NALF1: variants seen among roughly 807,000 people sequenced by gnomAD.
NALF1 encodes family with sequence similarity 155 member A.
A neutral mutation model predicts 48.4 loss-of-function variants in NALF1; 3 were observed. That is an observed-to-expected ratio of 0.06 (90% CI 0.03 to 0.16). NALF1 has a LOEUF of 0.16. NALF1 is among the 10% of genes least tolerant of loss of function. The probability of loss-of-function intolerance (pLI) is 1.00; values close to 1 mark genes in which losing one functional copy is unlikely to be tolerated. For synonymous variants in NALF1, 262 were observed against 245.7 expected (o/e 1.07, Z -0.62); for missense variants, 526 against 571.5 (o/e 0.92, Z 0.81).
intron 2 of NALF1, among the ~76,000 whole-genome samples, chr13:107,177,015 A>G (rs952555218): frequency 6.6e-6 from 1 of 152,152 alleles, no homozygotes; most frequent in African/African-American, 2.4e-5. Context: ...TAATAAACAA[A>G]TTCAGTAAAG....
chr13:107,635,683 C>A (rs1045867478), intron 1 of NALF1, among the ~76,000 whole-genome samples: 3 of 152,136 alleles, frequency 2.0e-5, no homozygotes, highest in South Asian at 2.1e-4. Context: ...TTGTAATGAA[C>A]CTGTAGCTTT....
intron 1 of NALF1, among the ~76,000 whole-genome samples, chr13:107,526,480 T>C (rs549295397): frequency 1.3e-5 from 2 of 148,280 alleles, no homozygotes; most frequent in South Asian, 2.1e-4. Context: ...TCATTTAATA[T>C]GTATTATTCA....
At chr13:107,475,510 C>G (rs998709285) in intron 1 of NALF1, among the ~76,000 whole-genome samples, 4 of 152,070 alleles carry the variant, frequency 2.6e-5, no homozygotes, top group Non-Finnish European at 5.9e-5. Context: ...CAAAAATGTA[C>G]TGGATTATTT....
intron 1 of NALF1, among the ~76,000 whole-genome samples, chr13:107,261,957 T>A (rs946586841): frequency 6.6e-6 from 1 of 152,136 alleles, no homozygotes; most frequent in African/African-American, 2.4e-5. Context: ...ATTTCAAGAG[T>A]ATCCAGGTAT....
At chr13:107,660,608 T>A (rs895578703) in intron 1 of NALF1, among the ~76,000 whole-genome samples, 3 of 152,178 alleles carry the variant, frequency 2.0e-5, no homozygotes, top group Admixed American at 6.5e-5. Flanking sequence ...GAGAAAATTA[T>A]CAAATCTACA....
At chr13:107,731,555 C>A (rs193267043) in intron 1 of NALF1, among the ~76,000 whole-genome samples, 1 of 152,230 alleles carries the variant, frequency 6.6e-6, no homozygotes, top group African/African-American at 2.4e-5. Context: ...CTCCCATGCA[C>A]CCCCGACCCT....
chr13:107,581,997 T>C (rs926967201), intron 1 of NALF1, among the ~76,000 whole-genome samples: 16 of 152,184 alleles, frequency 1.1e-4, no homozygotes, highest in Non-Finnish European at 2.9e-5. Flanking sequence ...TCCAGAATTA[T>C]AGGCTTGCTT....
chr13:107,849,756 C>G (rs966760428), intron 1 of NALF1, among the ~76,000 whole-genome samples: 6 of 152,198 alleles, frequency 3.9e-5, no homozygotes, highest in African/African-American at 1.4e-4. Context: ...CGTAACCACC[C>G]ACCTGCAAGC....
intron 1 of NALF1, among the ~76,000 whole-genome samples, chr13:107,467,778 C>T (rs9514689): frequency 0.15 from 23,074 of 152,166 alleles, 2,294 homozygotes; most frequent in Middle Eastern, 0.21. Flanking sequence ...CGGTGGCCCA[C>T]GCCTGTAATC....
chr13:107,681,626 G>A (rs897147991), intron 1 of NALF1, among the ~76,000 whole-genome samples: 7 of 152,126 alleles, frequency 4.6e-5, no homozygotes, highest in African/African-American at 1.4e-4. Flanking sequence ...TGAAATGACC[G>A]GAGCGGGCTG....
At chr13:107,208,158 G>A (rs558926629) in intron 2 of NALF1, among the ~76,000 whole-genome samples, 11 of 152,148 alleles carry the variant, frequency 7.2e-5, no homozygotes, top group Admixed American at 1.3e-4. Flanking sequence ...ATATATTTTC[G>A]AGCAATTTAA....
intron 1 of NALF1, among the ~76,000 whole-genome samples, chr13:107,385,972 A>C (rs1883524259): frequency 6.6e-6 from 1 of 152,222 alleles, no homozygotes; most frequent in Non-Finnish European, 1.5e-5. Context: ...CAAAATTAAA[A>C]GTGATGTTTT....
intron 1 of NALF1, among the ~76,000 whole-genome samples, chr13:107,700,947 C>A (rs963129410): frequency 6.6e-6 from 1 of 151,984 alleles, no homozygotes; most frequent in African/African-American, 2.4e-5. Flanking sequence ...CACCTTAAGC[C>A]CATTTGTATG....
At position 107,210,707 on chromosome 13, in the gene NALF1, A is replaced by G. The variant is rs765508512; in HGVS notation, c.964T>C (p.Phe322Leu). ...LCSQYFEVTQ[F>L]NCRKTIPCKQ... is the part of the protein sequence containing the mutation. ...CAAGGAATTGTCTTTCTGCAGTTAA[A>G]CTGTGTGACTTCAAAATACTGGGAA... The change falls in exon 2 of 3, where the codon TTT becomes CTT. Residue 322 changes from phenylalanine (F) to leucine (L), a missense_variant. Phe to Leu is a conservative substitution (Grantham distance 22). This residue lies in a region of NALF1 where 153 missense variants were observed against 215.9 expected (regional missense o/e 0.71). Coordinates refer to ENST00000375915, the MANE Select transcript of NALF1 (RefSeq NM_001080396.3). The G allele has an allele frequency of 2.9e-5, 47 of 1,612,634 alleles. No homozygotes were observed. The highest frequency in any genetic ancestry group is 3.7e-5 in the Non-Finnish European group (44 of 1,178,714).
intron 1 of NALF1, among the ~76,000 whole-genome samples, chr13:107,611,157 T>TA (rs898996402): frequency 1.1e-4 from 16 of 152,066 alleles, no homozygotes; most frequent in South Asian, 2.1e-4. Flanking sequence ...AGCAGTCCTT[T>TA]AAAAAAAATG....
chr13:107,756,672 C>G (rs1352214705), intron 1 of NALF1, among the ~76,000 whole-genome samples: 1 of 152,032 alleles, frequency 6.6e-6, no homozygotes, highest in Non-Finnish European at 1.5e-5. Context: ...GCCCCCAAAC[C>G]ATGAATATCA....
At chr13:107,853,438 T>C (rs141949261) in intron 1 of NALF1, among the ~76,000 whole-genome samples, 1 of 152,346 alleles carries the variant, frequency 6.6e-6, no homozygotes, top group East Asian at 1.9e-4. Context: ...TCTTTTCCTG[T>C]GGACACAGTC....
At chr13:107,531,710 C>T (rs776443770) in intron 1 of NALF1, among the ~76,000 whole-genome samples, 3 of 151,810 alleles carry the variant, frequency 2.0e-5, no homozygotes, top group Admixed American at 6.6e-5. Flanking sequence ...TTTTTTTCCA[C>T]TTTTATCTCA....
chr13:107,564,458 C>T (rs1173429595), intron 1 of NALF1, among the ~76,000 whole-genome samples: 4 of 152,086 alleles, frequency 2.6e-5, no homozygotes, highest in Non-Finnish European at 5.9e-5. Flanking sequence ...ACACGTAGGT[C>T]GTTTTAAGTG....
Sources: gnomAD v4.1 joint callset for allele counts (sites outside exome capture counted in the v4.1 genomes callset) on GRCh38, gnomAD v4.1.1 for gene constraint, gnomAD v4.1.1 regional missense constraint, MANE v1.5 for transcripts, NCBI Gene and HGNC (gene_info 2026-07-23, HGNC 2026-07-21) for gene names.